Variants in ZMYM2 observed in about 807,000 individuals in gnomAD.
ZMYM2 encodes the protein zinc finger MYM-type containing 2, also known as zinc finger MYM-type protein 2.
Under a neutral mutation model 162.8 loss-of-function variants are expected in ZMYM2, and 56 were observed. The ratio of observed to expected loss-of-function variants is 0.34; its 90% CI spans 0.28 to 0.43. The LOEUF is 0.43. Ranked by LOEUF, ZMYM2 falls within the 20% of genes least tolerant of loss-of-function variation. The probability of loss-of-function intolerance (pLI) is 1.00; values close to 1 mark genes in which losing one functional copy is unlikely to be tolerated. For missense variants in ZMYM2, 1,275 were observed against 1,621.8 expected (o/e 0.79, Z 3.67); for synonymous variants, 510 against 541.6 (o/e 0.94, Z 0.81).
rs1351722178 is a variant in ZMYM2, at chr13:20,087,611, A to G, written c.*1597A>G. On this transcript the variant is annotated 3_prime_UTR_variant, in exon 25 of 25. Coordinates refer to ENST00000610343, the MANE Select transcript of ZMYM2 (RefSeq NM_197968.4). ...AATTTTCTCAATTCTGATTTGGAAA[A>G]TTTCACAGGTGTCATTATTGTATAT... is the stretch of plus-strand genomic sequence containing the variant. 1 of 184,910 alleles carries G rather than the reference A, an allele frequency of 5.4e-6. No homozygotes were observed. Among genetic ancestry groups the G allele is most frequent in the Non-Finnish European group, 1.1e-5 (1 of 87,200 alleles). The allele number at this position is 184,910 out of a possible 1,614,324, so 11.5% of individuals were successfully genotyped here. A position where few individuals can be genotyped will look rare whatever the true frequency, so the allele number is the denominator to read the frequency against.
chr13:20,043,272 G>A (rs1156679635), intron 12 of ZMYM2, among the ~76,000 whole-genome samples: 2 of 152,188 alleles, frequency 1.3e-5, no homozygotes, highest in African/African-American at 2.4e-5. Context: ...TACACTTGAT[G>A]GATGGTGTCA....
At chr13:19,962,739 A>C (rs954514610) in intron 2 of ZMYM2, among the ~76,000 whole-genome samples, 6 of 150,834 alleles carry the variant, frequency 4.0e-5, no homozygotes, top group Non-Finnish European at 7.4e-5. Flanking sequence ...GGTCAGGCTG[A>C]TCTCGAACTC....
chr13:20,022,338 A>T (rs889902285), intron 7 of ZMYM2, among the ~76,000 whole-genome samples: 7 of 152,314 alleles, frequency 4.6e-5, no homozygotes, highest in African/African-American at 1.7e-4. Flanking sequence ...GATTGAGGTA[A>T]TGCATTTTTG....
chr13:20,039,029 T>C (rs1392980772), intron 12 of ZMYM2, among the ~76,000 whole-genome samples: 2 of 152,150 alleles, frequency 1.3e-5, no homozygotes, highest in African/African-American at 2.4e-5. Flanking sequence ...ATTTTATTCT[T>C]TTTGTGGCAA....
the ZMYM2 span, among the ~76,000 whole-genome samples, chr13:19,879,508 T>A: frequency 6.6e-6 from 1 of 152,244 alleles, no homozygotes; most frequent in Non-Finnish European, 1.5e-5. Flanking sequence ...TCCATTGATC[T>A]ATGTGTCTGT....
intron 2 of ZMYM2, among the ~76,000 whole-genome samples, chr13:19,977,496 CTTT>C (rs35672590): frequency 2.8e-5 from 4 of 141,454 alleles, no homozygotes; most frequent in Non-Finnish European, 1.5e-5. Context: ...CTTTCCATTT[CTTT>C]TTTTTTTTTT....
the ZMYM2 span, among the ~76,000 whole-genome samples, chr13:19,882,300 T>A: frequency 6.6e-6 from 1 of 152,188 alleles, no homozygotes; most frequent in Non-Finnish European, 1.5e-5. Context: ...GTATCCAGAA[T>A]GTATAAAGAA....
At chr13:19,878,609 C>A in the ZMYM2 span, among the ~76,000 whole-genome samples, 1 of 149,434 alleles carries the variant, frequency 6.7e-6, no homozygotes, top group Admixed American at 6.7e-5. Context: ...GCAACCTCTG[C>A]CTCCCGGGTT....
chr13:19,899,352 T>A, the ZMYM2 span, among the ~76,000 whole-genome samples: 2 of 151,930 alleles, frequency 1.3e-5, no homozygotes, highest in African/African-American at 4.8e-5. Context: ...AAAAGAGAAA[T>A]TTACAGCTGT....
At chr13:19,886,127 A>G in the ZMYM2 span, among the ~76,000 whole-genome samples, 5 of 147,806 alleles carry the variant, frequency 3.4e-5, no homozygotes, top group Non-Finnish European at 6.0e-5. Flanking sequence ...CCTGTTCAAA[A>G]ACTGCTAATA....
At chr13:20,050,921 GTATT>G (rs1471608264) in intron 12 of ZMYM2, among the ~76,000 whole-genome samples, 2 of 152,022 alleles carry the variant, frequency 1.3e-5, no homozygotes, top group South Asian at 2.1e-4. Context: ...TTAAATAAAT[GTATT>G]TATTAAAGCT....
At chr13:19,981,640 C>T (rs1024366640) in intron 2 of ZMYM2, among the ~76,000 whole-genome samples, 2 of 152,108 alleles carry the variant, frequency 1.3e-5, no homozygotes, top group Non-Finnish European at 2.9e-5. Flanking sequence ...TACCTTTTTC[C>T]TCCTGTAAAT....
In ZMYM2 at chr13:20,082,789, T is replaced by G; in HGVS notation, c.3577T>G (p.Phe1193Val). The change falls in exon 23 of 25, where the codon TTC becomes GTC. Residue 1193 changes from phenylalanine (F) to valine (V), a missense_variant. Physicochemically the swap from Phe to Val is conservative, Grantham distance 50. Transcript: ENST00000610343. Reference protein sequence around the residue: ...QPSILPDGSIFSRVEEDYLWR... With the variant: ...QPSILPDGSIVSRVEEDYLWR... ...AGTTCTCTCTATTTAAGGGTCAATA[T>G]TCTCTCGAGTTGAAGAAGACTATCT... is the stretch of plus-strand genomic sequence containing the variant. The G allele has an allele frequency of 6.2e-7, 1 of 1,602,406 alleles. No homozygotes were observed. The highest frequency in any genetic ancestry group is 8.5e-7 in the Non-Finnish European group (1 of 1,172,874).
the ZMYM2 span, among the ~76,000 whole-genome samples, chr13:19,922,798 C>T: frequency 6.6e-6 from 1 of 151,808 alleles, no homozygotes; most frequent in Non-Finnish European, 1.5e-5. Flanking sequence ...GAGCCGAGAT[C>T]CCACCACTGC....
At chr13:20,043,483 A>G (rs1195824791) in intron 12 of ZMYM2, among the ~76,000 whole-genome samples, 1 of 152,078 alleles carries the variant, frequency 6.6e-6, no homozygotes, top group Non-Finnish European at 1.5e-5. Context: ...CCTGTTGGCT[A>G]CTGTGCCTGT....
intron 10 of ZMYM2, among the ~76,000 whole-genome samples, chr13:20,033,366 G>T (rs1220864695): frequency 1.3e-5 from 2 of 152,146 alleles, no homozygotes; most frequent in Admixed American, 1.3e-4. Context: ...CTGAATGAGA[G>T]TTGAGCGTGT....
chr13:20,026,728 G>T lies in ZMYM2; in HGVS notation c.1701G>T (p.Met567Ile). Residue 567 changes from methionine (M) to isoleucine (I), a missense_variant, in exon 8 of 25, where the codon ATG becomes ATT. Transcript: ENST00000610343. ...YMEPYCSTAC[M>I]NSHKTKYAKS... The stretch of plus-strand genomic sequence containing the variant: ...AGCCATATTGTTCAACTGCTTGTAT[G>T]AACAGTCACAAGACAAAATATGCAA... 4 of 1,600,320 alleles carry T rather than the reference G, an allele frequency of 2.5e-6. No individual in the cohort carries two copies. Among genetic ancestry groups the T allele is most frequent in the Non-Finnish European group, 3.4e-6 (4 of 1,177,128 alleles).
the ZMYM2 span, among the ~76,000 whole-genome samples, chr13:19,885,871 A>G: frequency 6.0e-5 from 3 of 50,224 alleles, no homozygotes; most frequent in African/African-American, 1.0e-4. Flanking sequence ...AAATATATAT[A>G]TGTATATACA....
chr13:19,903,483 C>CAAAAAACAA, the ZMYM2 span, among the ~76,000 whole-genome samples: 1 of 83,724 alleles, frequency 1.2e-5, no homozygotes, highest in African/African-American at 4.4e-5. Flanking sequence ...ACTAAAAATA[C>CAAAAAACAA]AAAAAAAAAA....
Sources: allele counts gnomAD v4.1 joint callset (sites outside exome capture counted in the v4.1 genomes callset), GRCh38; gene constraint gnomAD v4.1.1; transcripts MANE v1.5; gene names NCBI Gene and HGNC (gene_info 2026-07-23, HGNC 2026-07-21).